ESRRB: variants seen among roughly 807,000 people sequenced by gnomAD.
ESRRB encodes the protein steroid hormone receptor ERR2.
Under a neutral mutation model 46.0 loss-of-function variants are expected in ESRRB, and 16 were observed. The observed-to-expected ratio is 0.35, with a 90% CI of 0.24 to 0.53. The LOEUF (loss-of-function observed/expected upper bound fraction) is 0.53. Ranked by LOEUF, ESRRB falls within the 20% of genes least tolerant of loss-of-function variation. The pLI, the probability that ESRRB is intolerant of heterozygous loss-of-function variation, is 0.93. For synonymous variants in ESRRB, 246 were observed against 259.6 expected (o/e 0.95, Z 0.50); for missense variants, 488 against 607.4 (o/e 0.80, Z 2.07).
chr14:76,430,020 C>CTTCCT (rs1258975185), intron 1 of ESRRB, among the ~76,000 whole-genome samples: 1 of 152,040 alleles, frequency 6.6e-6, no homozygotes, highest in Non-Finnish European at 1.5e-5. Flanking sequence ...TCCTTCCTTT[C>CTTCCT]TTCCTTCCCT....
chr14:76,362,263 G>A (rs1884473463), intron 1 of ESRRB, among the ~76,000 whole-genome samples: 1 of 152,162 alleles, frequency 6.6e-6, no homozygotes, highest in Non-Finnish European at 1.5e-5. Flanking sequence ...TGGGCAGCGA[G>A]GTCACAGATT....
chr14:76,359,755 CAGG>C (rs1566860053), intron 1 of ESRRB, among the ~76,000 whole-genome samples: 1 of 151,880 alleles, frequency 6.6e-6, no homozygotes. Flanking sequence ...AGGGTTCGTG[CAGG>C]AGGCAGTCTT....
At chr14:76,448,328 C>CTTTT (rs33918963) in intron 2 of ESRRB, among the ~76,000 whole-genome samples, 5 of 133,496 alleles carry the variant, frequency 3.7e-5, no homozygotes, top group African/African-American at 1.4e-4. Context: ...ATTTACTTAC[C>CTTTT]TTTTTTTTTT....
In ESRRB at chr14:76,501,740, T is replaced by A. The variant is rs889739235; in HGVS notation, c.*3282T>A. 1 of 152,242 alleles carries A rather than the reference T, an allele frequency of 6.6e-6. No homozygotes were observed. The highest frequency in any genetic ancestry group is 6.5e-5 in the Admixed American group (1 of 15,292). The allele number at this position is 152,242 out of a possible 1,614,324, so 9.4% of individuals were successfully genotyped here. On this transcript the variant is annotated 3_prime_UTR_variant, in exon 7 of 7. Coordinates refer to ENST00000644823, the MANE Select transcript of ESRRB (RefSeq NM_001379180.1). ...ACCTACTTGTATGTCTTTCTGCCTC[T>A]GTATATGTTCTCCCAGAAACCCCCA...
At chr14:76,475,035 C>T (rs1889522520) in intron 3 of ESRRB, among the ~76,000 whole-genome samples, 1 of 151,886 alleles carries the variant, frequency 6.6e-6, no homozygotes, top group African/African-American at 2.4e-5. Flanking sequence ...TCGAGACCAG[C>T]CTGGGCAACA....
At chr14:76,447,471 G>A (rs1167792862) in intron 2 of ESRRB, among the ~76,000 whole-genome samples, 1 of 151,958 alleles carries the variant, frequency 6.6e-6, no homozygotes, top group Admixed American at 6.6e-5. Context: ...TCTGAAATCA[G>A]GATGAATGCT....
intron 5 of ESRRB, among the ~76,000 whole-genome samples, chr14:76,488,936 A>G (rs1002829597): frequency 1.3e-5 from 2 of 152,158 alleles, no homozygotes; most frequent in Non-Finnish European, 2.9e-5. Context: ...CGTTGAAGGC[A>G]GGGAGCAGTT....
chr14:76,357,429 T>G (rs1368216941), intron 1 of ESRRB, among the ~76,000 whole-genome samples: 1 of 152,250 alleles, frequency 6.6e-6, no homozygotes, highest in African/African-American at 2.4e-5. Flanking sequence ...AGAAGCAGCC[T>G]ACATATGGGG....
In ESRRB at chr14:76,483,081, G is replaced by C. The variant is rs78228479; in HGVS notation, c.850+322G>C. Among the ~76,000 whole-genome samples the C allele has an allele frequency of 9.0e-3, 1,369 of 152,228 alleles. 12 individuals are homozygous for C. Among genetic ancestry groups the C allele is most frequent in the Non-Finnish European group, 0.015 (1,021 of 67,994 alleles). ...TGAGCCCTTAAAGGGCAAAGAGTAG[G>C]GTTTTCTTGTAGACCTTATTGGAAG... On this transcript the variant is annotated intron_variant, in intron 5 of 6. Transcript: ENST00000644823.
chr14:76,370,992 A>G (rs574565126), upstream of ESRRB, among the ~76,000 whole-genome samples: 2 of 152,324 alleles, frequency 1.3e-5, no homozygotes, highest in South Asian at 2.1e-4. Context: ...CCTGGTAGGG[A>G]TTTCAGATAA....
At chr14:76,434,932 C>G (rs1358398573) in intron 1 of ESRRB, among the ~76,000 whole-genome samples, 1 of 151,868 alleles carries the variant, frequency 6.6e-6, no homozygotes, top group Non-Finnish European at 1.5e-5. Flanking sequence ...TTCCTTCTCC[C>G]AGGACTCAAG....
intron 1 of ESRRB, among the ~76,000 whole-genome samples, chr14:76,418,968 T>C (rs1388530073): frequency 6.6e-6 from 1 of 152,046 alleles, no homozygotes; most frequent in Non-Finnish European, 1.5e-5. Context: ...GCTTTTCCAT[T>C]TTTCAACTAT....
chr14:76,435,047 G>T (rs1032076533), intron 1 of ESRRB, among the ~76,000 whole-genome samples: 2 of 152,240 alleles, frequency 1.3e-5, no homozygotes, highest in African/African-American at 4.8e-5. Flanking sequence ...GTGGGGATAG[G>T]AGGGCAGAGC....
intron 1 of ESRRB, among the ~76,000 whole-genome samples, chr14:76,384,653 T>A (rs1885147014): frequency 6.6e-6 from 1 of 152,212 alleles, no homozygotes; most frequent in South Asian, 2.1e-4. Context: ...CCGGCTTCTA[T>A]GCCCCGTGCC....
upstream of ESRRB, among the ~76,000 whole-genome samples, chr14:76,371,111 A>T (rs1460416938): frequency 6.6e-6 from 1 of 152,206 alleles, no homozygotes; most frequent in Non-Finnish European, 1.5e-5. Flanking sequence ...ATAGGACATG[A>T]GCCTTCTTGC....
chr14:76,374,842 A>G (rs763436826), upstream of ESRRB, among the ~76,000 whole-genome samples: 3 of 152,130 alleles, frequency 2.0e-5, no homozygotes, highest in African/African-American at 7.2e-5. Context: ...TTCAGCACAT[A>G]TGAAAAATCT....
chr14:76,428,387 T>C (rs1173270659), intron 1 of ESRRB, among the ~76,000 whole-genome samples: 1 of 152,062 alleles, frequency 6.6e-6, no homozygotes, highest in Non-Finnish European at 1.5e-5. Flanking sequence ...TTTACAGATG[T>C]CAGAACTCCA....
At chr14:76,397,805 A>T (rs1885757807) in intron 1 of ESRRB, among the ~76,000 whole-genome samples, 1 of 152,224 alleles carries the variant, frequency 6.6e-6, no homozygotes, top group Non-Finnish European at 1.5e-5. Context: ...GCTTCTGAAT[A>T]ACCTCGAGGT....
chr14:76,432,646 T>G (rs1339957762), intron 1 of ESRRB, among the ~76,000 whole-genome samples: 1 of 127,246 alleles, frequency 7.9e-6, no homozygotes, highest in Admixed American at 7.1e-5. Context: ...CTCTCACTCT[T>G]ACTGAATAAG....
Sources: allele counts gnomAD v4.1 joint callset (sites outside exome capture counted in the v4.1 genomes callset), GRCh38; gene constraint gnomAD v4.1.1; transcripts MANE v1.5; gene names NCBI Gene and HGNC (gene_info 2026-07-23, HGNC 2026-07-21).